TBC1D9: variants seen among roughly 807,000 people sequenced by gnomAD.
The protein encoded by TBC1D9 is TBC1 domain family member 9A.
A neutral mutation model predicts 132.0 loss-of-function variants in TBC1D9; 63 were observed. The observed-to-expected ratio is 0.48, with a 90% CI of 0.39 to 0.59. The LOEUF (loss-of-function observed/expected upper bound fraction) is 0.59, where lower values mean the gene tolerates loss of function less well. TBC1D9 is among the 20% of genes least tolerant of loss of function. TBC1D9 has a pLI of 0.00. For missense variants in TBC1D9, 1,261 were observed against 1,592.7 expected, an observed-to-expected ratio of 0.79 and a Z score of 3.54; for synonymous variants, 610 against 609.9, an observed-to-expected ratio of 1.00 and a Z score of 0.00.
chr4:140,624,244 A>G, intron 19 of TBC1D9, 25 bp from the exon 20 acceptor site: 1 of 1,610,632 alleles, frequency 6.2e-7, no homozygotes, highest in Non-Finnish European at 8.5e-7. Context: ...TCAAGAAATA[A>G]GTGCTTACAG....
At chr4:140,729,276 T>A (rs552264923) in intron 1 of TBC1D9, among the ~76,000 whole-genome samples, 323 of 152,226 alleles carry the variant, frequency 2.1e-3, no homozygotes, top group Middle Eastern at 0.01. Context: ...ACTAGATAAT[T>A]TACTTTTCAT....
intron 1 of TBC1D9, among the ~76,000 whole-genome samples, chr4:140,745,335 G>A (rs1050753079): frequency 6.6e-6 from 1 of 152,064 alleles, no homozygotes; most frequent in African/African-American, 2.4e-5. Context: ...GTTCCATTAG[G>A]AGCTAACATA....
intron 1 of TBC1D9, among the ~76,000 whole-genome samples, chr4:140,727,570 C>T (rs1738520499): frequency 6.6e-6 from 1 of 152,176 alleles, no homozygotes; most frequent in Non-Finnish European, 1.5e-5. Flanking sequence ...ATTTGAAAGC[C>T]TCTCATTAAG....
chr4:140,669,543 T>A (rs556414805), intron 8 of TBC1D9, 91 bp downstream of exon 8: 2 of 1,323,072 alleles, frequency 1.5e-6, no homozygotes, highest in East Asian at 5.1e-5. Context: ...TCCATTTACA[T>A]AGGCATGTGT....
intron 15 of TBC1D9, among the ~76,000 whole-genome samples, chr4:140,635,198 G>C (rs1385375902): frequency 6.6e-6 from 1 of 152,182 alleles, no homozygotes; most frequent in Non-Finnish European, 1.5e-5. Context: ...AACACCTTTG[G>C]CCAGGTGCAG....
At chr4:140,624,057 A>G in intron 20 of TBC1D9, 59 bp downstream of exon 20, 2 of 1,363,404 alleles carry the variant, frequency 1.5e-6, no homozygotes, top group Non-Finnish European at 2.0e-6. Flanking sequence ...ATGACTTTTC[A>G]GTCATAGAAA....
chr4:140,622,126 C>T lies in TBC1D9; in HGVS notation c.*69G>A. On this transcript the variant is annotated 3_prime_UTR_variant, in exon 21 of 21. Coordinates refer to ENST00000442267, the MANE Select transcript of TBC1D9 (RefSeq NM_015130.3). ...TAATTTAAAAGAAAGAAAGAAAAAACTCAACACAGAAGAACATAAAAAATC... is the reference window on the plus strand; with the variant it reads ...TAATTTAAAAGAAAGAAAGAAAAAATTCAACACAGAAGAACATAAAAAATC... 6.7e-7 allele frequency: 1 copy of T among 1,486,500 alleles called. No homozygotes were observed. The highest frequency in any genetic ancestry group is 1.4e-5 in the African/African-American group (1 of 71,310). The allele number at this position is 1,486,500 out of a possible 1,614,324, so 92.1% of individuals were successfully genotyped here. A position where few individuals can be genotyped will look rare whatever the true frequency, so the allele number is the denominator to read the frequency against.
intron 1 of TBC1D9, among the ~76,000 whole-genome samples, chr4:140,728,484 T>G (rs919024848): frequency 3.3e-5 from 5 of 151,974 alleles, no homozygotes; most frequent in African/African-American, 1.2e-4. Flanking sequence ...AATCTACTTG[T>G]TTTTTTTGTT....
At chr4:140,665,220 T>G (rs865920181) in intron 9 of TBC1D9, among the ~76,000 whole-genome samples, 2 of 150,678 alleles carry the variant, frequency 1.3e-5, no homozygotes, top group African/African-American at 2.4e-5. Flanking sequence ...GAGAGCAGAG[T>G]GACAAAGGAA....
At chr4:140,642,829 C>T (rs1737027212) in intron 13 of TBC1D9, 1 of 597,082 alleles carries the variant, frequency 1.7e-6, no homozygotes, top group South Asian at 2.2e-5. Context: ...TGCGGGCGGG[C>T]GACAGGGCTC....
chr4:140,716,730 A>G (rs1738339258), intron 1 of TBC1D9, among the ~76,000 whole-genome samples: 1 of 152,142 alleles, frequency 6.6e-6, no homozygotes, highest in Admixed American at 6.5e-5. Context: ...GGGAGAAATT[A>G]TTTTTATATT....
chr4:140,689,565 TCTC>T lies in TBC1D9; in HGVS notation c.242-3106_242-3104del, dbSNP rs201656993. ...CCCTTCCCTTCTTTTTCCTTTCCCT[TCTC>T]CTTTTTCCCTTCCCTTCCCCCTTTT... is the stretch of plus-strand genomic sequence containing the variant. On this transcript the variant is annotated intron_variant, in intron 2 of 20. Coordinates refer to ENST00000442267, the MANE Select transcript of TBC1D9 (RefSeq NM_015130.3). 3.3e-3 allele frequency among the ~76,000 whole-genome samples: 378 copies of T among 112,868 alleles called. 5 individuals are homozygous for T. Among genetic ancestry groups the T allele is most frequent in the African/African-American group, 0.013 (365 of 28,328 alleles). 74.0% of individuals were successfully genotyped at this position (112,868 alleles called of 152,430 possible).
chr4:140,652,911 G>T (rs1035268298), intron 13 of TBC1D9, among the ~76,000 whole-genome samples: 1 of 152,106 alleles, frequency 6.6e-6, no homozygotes, highest in African/African-American at 2.4e-5. Context: ...CACTGGGCTG[G>T]GTCATCTCGA....
intron 1 of TBC1D9, among the ~76,000 whole-genome samples, chr4:140,739,107 G>A (rs528165818): frequency 7.9e-5 from 12 of 151,652 alleles, no homozygotes; most frequent in African/African-American, 2.2e-4. Context: ...AGTGATTCTC[G>A]TGCCTCAGCC....
At chr4:140,644,154 C>T in intron 13 of TBC1D9, 1 of 367,390 alleles carries the variant, frequency 2.7e-6, no homozygotes, top group Non-Finnish European at 5.2e-6. Flanking sequence ...GTAGGGCCTC[C>T]CGTAGTGTGG....
In TBC1D9 at chr4:140,622,716, C is replaced by T. The variant is rs368519500; in HGVS notation, c.3280G>A (p.Val1094Met). ...GPSCHQGIPG[V>M]LFPKKGPGQP... Reference sequence around the variant, plus strand: ...CCTGGCCCTTTCTTGGGGAAGAGCACGCCTGGGATGCCCTGGTGGCAGGAC... The same window carrying T: ...CCTGGCCCTTTCTTGGGGAAGAGCATGCCTGGGATGCCCTGGTGGCAGGAC... Residue 1094 changes from valine (V) to methionine (M), a missense_variant, in exon 21 of 21, where the codon GTG becomes ATG. Physicochemically the swap from Val to Met is conservative, Grantham distance 21 (BLOSUM62 1). This residue lies in a region of TBC1D9 where 618 missense variants were observed against 724.4 expected (regional missense o/e 0.85). Transcript: ENST00000442267. The T allele has an allele frequency of 1.4e-4, 229 of 1,610,150 alleles. No individual in the cohort carries two copies. Among genetic ancestry groups the T allele is most frequent in the Non-Finnish European group, 1.7e-4 (205 of 1,179,518 alleles).
At chr4:140,688,301 C>T (rs1315864337) in intron 2 of TBC1D9, among the ~76,000 whole-genome samples, 1 of 152,186 alleles carries the variant, frequency 6.6e-6, no homozygotes, top group East Asian at 1.9e-4. Flanking sequence ...TTCTCTGCCA[C>T]CAGTCACCTG....
chr4:140,719,732 T>C (rs1193698700), intron 1 of TBC1D9, among the ~76,000 whole-genome samples: 4 of 152,156 alleles, frequency 2.6e-5, no homozygotes, highest in African/African-American at 4.8e-5. Context: ...ATAGCAATCA[T>C]TAGAATGGTC....
chr4:140,624,719 A>G (rs1262896291), intron 18 of TBC1D9, among the ~76,000 whole-genome samples: 2 of 152,206 alleles, frequency 1.3e-5, no homozygotes, highest in Non-Finnish European at 2.9e-5. Context: ...GGACCTCCGC[A>G]GAATTCTTTC....
Sources: allele counts gnomAD v4.1 joint callset (sites outside exome capture counted in the v4.1 genomes callset), GRCh38; gene constraint gnomAD v4.1.1; regional missense constraint gnomAD v4.1.1; transcripts MANE v1.5; gene names NCBI Gene and HGNC (gene_info 2026-07-23, HGNC 2026-07-21).